Variants in GALNTL6 observed in about 807,000 individuals in gnomAD.
The protein encoded by GALNTL6 is polypeptide N-acetylgalactosaminyltransferase like 6.
In GALNTL6, 46 loss-of-function variants were observed where a neutral mutation model predicts 73.7. The ratio of observed to expected loss-of-function variants is 0.62; its 90% CI spans 0.49 to 0.80. GALNTL6 has a LOEUF of 0.80. Among genes scored for constraint, GALNTL6 ranks in the 30% least tolerant of loss-of-function variants. The probability of loss-of-function intolerance (pLI) is 0.00; values close to 1 mark genes in which losing one functional copy is unlikely to be tolerated. For synonymous variants in GALNTL6, 259 were observed against 263.7 expected (o/e 0.98, Z 0.17); for missense variants, 604 against 755.0 (o/e 0.80, Z 2.34).
Position 172,091,955 on chromosome 4 carries a change from T to C in GALNTL6, c.139-137701T>C, listed in dbSNP as rs1424455905. Among the ~76,000 whole-genome samples the C allele has an allele frequency of 2.0e-5, 3 of 152,300 alleles. No individual in the cohort carries two copies. The East Asian group carries it at 5.8e-4, about 29-fold the overall frequency. ...AATTATTGTTTTGTTTGATATTGGGTTAGTGATTTTATGAGTCTATGTTCT... is the reference window on the plus strand; with the variant it reads ...AATTATTGTTTTGTTTGATATTGGGCTAGTGATTTTATGAGTCTATGTTCT... On this transcript the variant is annotated intron_variant, in intron 2 of 12. Transcript: ENST00000506823.
At chr4:172,175,346 G>A (rs138382098) in intron 2 of GALNTL6, among the ~76,000 whole-genome samples, 1 of 152,074 alleles carries the variant, frequency 6.6e-6, no homozygotes, top group African/African-American at 2.4e-5. Flanking sequence ...GATTATAGGC[G>A]TGAGTCTCCC....
At chr4:172,785,931 T>C (rs1739627230) in intron 5 of GALNTL6, among the ~76,000 whole-genome samples, 1 of 152,174 alleles carries the variant, frequency 6.6e-6, no homozygotes. Flanking sequence ...AGAAATTAGT[T>C]CCAATCCATT....
chr4:172,072,089 G>T (rs1250674583), intron 2 of GALNTL6, among the ~76,000 whole-genome samples: 2 of 152,104 alleles, frequency 1.3e-5, no homozygotes, highest in East Asian at 1.9e-4. Context: ...TCCTGGGCAG[G>T]TTGCTGCAGA....
At position 171,968,782 on chromosome 4, in the gene GALNTL6, T is replaced by A. The variant is rs542295220; in HGVS notation, c.138+154064T>A. Among the ~76,000 whole-genome samples the A allele has an allele frequency of 1.6e-4, 24 of 151,678 alleles. No homozygotes were observed. In the South Asian group the frequency reaches 5.0e-3, roughly 32 times the overall value. ...CAGTCAGTGAACTCTGGGTCAGACT[T>A]GTATGATGTTCCACCTTCGCAATCG... is the stretch of plus-strand genomic sequence containing the variant. On this transcript the variant is annotated intron_variant, in intron 2 of 12. Coordinates refer to ENST00000506823, the MANE Select transcript of GALNTL6 (RefSeq NM_001034845.3).
chr4:173,013,322 A>G (rs779451272), intron 11 of GALNTL6, among the ~76,000 whole-genome samples: 2 of 152,164 alleles, frequency 1.3e-5, no homozygotes, highest in South Asian at 2.1e-4. Context: ...TTCTTGGGCT[A>G]AATTCCTCTC....
chr4:172,017,520 C>A (rs1490832382), intron 2 of GALNTL6, among the ~76,000 whole-genome samples: 1 of 152,048 alleles, frequency 6.6e-6, no homozygotes, highest in African/African-American at 2.4e-5. Flanking sequence ...CAGGGGAGAA[C>A]AAGGTCCCCT....
chr4:172,500,282 A>G (rs1734216124), intron 5 of GALNTL6, among the ~76,000 whole-genome samples: 2 of 152,210 alleles, frequency 1.3e-5, no homozygotes, highest in East Asian at 1.9e-4. Context: ...TTAGCCAGGT[A>G]TGGTGATGTA....
intron 7 of GALNTL6, among the ~76,000 whole-genome samples, chr4:172,817,232 C>G (rs1228701055): frequency 6.6e-6 from 1 of 151,698 alleles, no homozygotes; most frequent in Non-Finnish European, 1.5e-5. Context: ...TTGAGACGAG[C>G]CTGGGCAACA....
intron 7 of GALNTL6, among the ~76,000 whole-genome samples, chr4:172,817,187 A>T (rs1741652005): frequency 6.6e-6 from 1 of 151,356 alleles, no homozygotes; most frequent in Non-Finnish European, 1.5e-5. Context: ...GCACTTTGGG[A>T]GACCAAGGCA....
intron 5 of GALNTL6, among the ~76,000 whole-genome samples, chr4:172,641,932 T>A (rs1244675612): frequency 6.6e-6 from 1 of 151,984 alleles, no homozygotes; most frequent in Non-Finnish European, 1.5e-5. Context: ...CTGAATTAAC[T>A]TTTGCAAAAG....
intron 3 of GALNTL6, among the ~76,000 whole-genome samples, chr4:172,233,683 T>G (rs2110976249): frequency 6.6e-6 from 1 of 152,238 alleles, no homozygotes; most frequent in Non-Finnish European, 1.5e-5. Flanking sequence ...CAACTATTAC[T>G]ATCTGGTATA....
intron 2 of GALNTL6, among the ~76,000 whole-genome samples, chr4:171,906,439 A>T (rs1737280543): frequency 6.6e-6 from 1 of 151,812 alleles, no homozygotes; most frequent in South Asian, 2.1e-4. Context: ...CCAAGACTAA[A>T]CCAGGAAGAA....
chr4:172,588,068 A>G (rs182163163), intron 5 of GALNTL6, among the ~76,000 whole-genome samples: 97 of 152,308 alleles, frequency 6.4e-4, no homozygotes, highest in African/African-American at 1.8e-3. Context: ...TGATATTAGT[A>G]GACTAGCAAA....
chr4:172,284,010 C>G lies in GALNTL6; in HGVS notation c.248-27604C>G, dbSNP rs190662894. ...TCTTACCAGCCCCTTTTTCTTGACT[C>G]TTTCATGGTCTAAATCAATCTTTGG... is the stretch of plus-strand genomic sequence containing the variant. On this transcript the variant is annotated intron_variant, in intron 3 of 12. Transcript: ENST00000506823. 2.2e-4 allele frequency among the ~76,000 whole-genome samples: 34 copies of G among 152,140 alleles called. No individual in the cohort carries two copies. In the East Asian group the frequency reaches 5.6e-3, roughly 25 times the overall value.
At position 172,952,234 on chromosome 4, in the gene GALNTL6, G is replaced by A; in HGVS notation, c.1347G>A (p.Glu449=). The change falls in exon 10 of 13, where the codon GAG becomes GAA. Residue 449 remains glutamate, a synonymous_variant. Transcript: ENST00000506823. ...TGCCTAAATACTACCCTCCAGTGGAGCCCCCGCCTGCTGCCTGGGGGGAGG... is the reference window on the plus strand; with the variant it reads ...TGCCTAAATACTACCCTCCAGTGGAACCCCCGCCTGCTGCCTGGGGGGAGG... ...WDVPKYYPPV[E]PPPAAWGEIR... 6.2e-7 allele frequency: 1 copy of A among 1,613,962 alleles called. No individual in the cohort carries two copies. Among genetic ancestry groups the A allele is most frequent in the Non-Finnish European group, 8.5e-7 (1 of 1,179,952 alleles).
intron 2 of GALNTL6, among the ~76,000 whole-genome samples, chr4:172,149,182 C>T (rs985191978): frequency 1.3e-5 from 2 of 152,196 alleles, no homozygotes; most frequent in Non-Finnish European, 2.9e-5. Flanking sequence ...AAGAAAAATA[C>T]ATACACACAT....
intron 3 of GALNTL6, among the ~76,000 whole-genome samples, chr4:172,287,703 C>A (rs966836156): frequency 6.6e-6 from 1 of 152,104 alleles, no homozygotes; most frequent in African/African-American, 2.4e-5. Flanking sequence ...AGTTATTATC[C>A]TCCTTGTGCT....
At chr4:172,494,350 T>A (rs1733998436) in intron 5 of GALNTL6, among the ~76,000 whole-genome samples, 1 of 152,178 alleles carries the variant, frequency 6.6e-6, no homozygotes, top group African/African-American at 2.4e-5. Flanking sequence ...AGGATACAAA[T>A]CCAAATTTCT....
At position 172,765,157 on chromosome 4, in the gene GALNTL6, G is replaced by A. The variant is rs553684909; in HGVS notation, c.554-44204G>A. Among the ~76,000 whole-genome samples, 147 of 152,128 alleles carry A rather than the reference G, an allele frequency of 9.7e-4. 1 individual carries two copies. The highest frequency in any genetic ancestry group is 3.4e-3 in the Middle Eastern group (1 of 294). ...CACTTCAGGAGGATGTGCTAAGGAG[G>A]CAATTAAGACAAAAATGAAACCAGC... is the stretch of plus-strand genomic sequence containing the variant. On this transcript the variant is annotated intron_variant, in intron 5 of 12. Coordinates refer to ENST00000506823, the MANE Select transcript of GALNTL6 (RefSeq NM_001034845.3).
Sources: allele counts gnomAD v4.1 joint callset (sites outside exome capture counted in the v4.1 genomes callset), GRCh38; gene constraint gnomAD v4.1.1; transcripts MANE v1.5; gene names NCBI Gene and HGNC (gene_info 2026-07-23, HGNC 2026-07-21).